The following FNDC3B variants were observed in gnomAD, a reference collection of about 807,000 sequenced individuals.
The protein encoded by FNDC3B is fibronectin type III domain containing 3B.
Under a neutral mutation model 151.5 loss-of-function variants are expected in FNDC3B, and 12 were observed. The observed-to-expected ratio is 0.08, with a 90% CI of 0.05 to 0.13. The LOEUF is 0.13. FNDC3B is among the 10% of genes least tolerant of loss of function. FNDC3B has a pLI of 1.00. For synonymous variants in FNDC3B, 528 were observed against 549.0 expected, an observed-to-expected ratio of 0.96 and a Z score of 0.54; for missense variants, 1,214 against 1,505.3, an observed-to-expected ratio of 0.81 and a Z score of 3.20.
At chr3:172,091,818 G>A (rs1279304312) in intron 1 of FNDC3B, among the ~76,000 whole-genome samples, 1 of 149,950 alleles carries the variant, frequency 6.7e-6, no homozygotes, top group Non-Finnish European at 1.5e-5. Flanking sequence ...AAAGAGAAAT[G>A]GTCAAAATTG....
intron 7 of FNDC3B, 135 bp downstream of exon 7, chr3:172,286,119 A>T: frequency 4.6e-6 from 3 of 650,646 alleles, no homozygotes; most frequent in Admixed American, 5.8e-5. Flanking sequence ...ACTATGAAAT[A>T]GTGTTCGGTT....
chr3:172,152,828 A>C (rs1204850528), intron 3 of FNDC3B, among the ~76,000 whole-genome samples: 1 of 152,112 alleles, frequency 6.6e-6, no homozygotes, highest in Non-Finnish European at 1.5e-5. Flanking sequence ...GTTGGTTTAC[A>C]TGAGGATTGA....
chr3:172,373,633 A>G (rs1218970185), intron 23 of FNDC3B, among the ~76,000 whole-genome samples: 5 of 152,228 alleles, frequency 3.3e-5, no homozygotes, highest in Non-Finnish European at 5.9e-5. Context: ...AAAAAGATAT[A>G]GGAGCAAGAA....
chr3:172,135,575 T>C (rs1456385702), intron 3 of FNDC3B, among the ~76,000 whole-genome samples: 2 of 152,204 alleles, frequency 1.3e-5, no homozygotes, highest in Non-Finnish European at 2.9e-5. Context: ...TCAGATACTA[T>C]GGTTATCTTC....
In FNDC3B at chr3:172,247,804, G is replaced by C. The variant is rs752277562; in HGVS notation, c.508+28G>C. On this transcript the variant is annotated intron_variant, in intron 5 of 25. Transcript: ENST00000415807. Reference sequence around the variant, plus strand: ...GAGTAGATTTTCGTTGGCGTCAGGAGCCGTTGAAACTGATTACAGCGTTTC... The same window carrying C: ...GAGTAGATTTTCGTTGGCGTCAGGACCCGTTGAAACTGATTACAGCGTTTC... 3 of 1,612,966 alleles carry C rather than the reference G, an allele frequency of 1.9e-6. No individual in the cohort carries two copies. In the Admixed American group the frequency reaches 5.0e-5, roughly 27 times the overall value.
chr3:172,061,260 T>G, intron 1 of FNDC3B, among the ~76,000 whole-genome samples: 2 of 148,162 alleles, frequency 1.3e-5, no homozygotes, highest in Admixed American at 6.8e-5. Context: ...TGAGATGGAG[T>G]CTCGCTCTGT....
chr3:172,180,767 C>T (rs1054310639), intron 3 of FNDC3B, among the ~76,000 whole-genome samples: 1 of 152,096 alleles, frequency 6.6e-6, no homozygotes, highest in African/African-American at 2.4e-5. Flanking sequence ...TAGGAAAGAG[C>T]CCATAGAATG....
In FNDC3B at chr3:172,341,017, T is replaced by C. The variant is rs868368374; in HGVS notation, c.1853-96T>C. On this transcript the variant is annotated intron_variant, in intron 16 of 25. Transcript: ENST00000415807. ...TTTAAAAAGAAAAAGAAGATGTTGG[T>C]TTTCATGAAAACATAGAGCTTTTTC... is the stretch of plus-strand genomic sequence containing the variant. The C allele has an allele frequency of 1.3e-5, 11 of 819,040 alleles. No individual in the cohort carries two copies. The Middle Eastern group carries it at 7.0e-4, about 52-fold the overall frequency. The allele number at this position is 819,040 out of a possible 1,614,324, so 50.7% of individuals were successfully genotyped here.
At chr3:172,391,458 A>G (rs542688919) in intron 25 of FNDC3B, among the ~76,000 whole-genome samples, 1 of 152,328 alleles carries the variant, frequency 6.6e-6, no homozygotes, top group African/African-American at 2.4e-5. Flanking sequence ...TCCTGATTCT[A>G]GTTTCTGTGC....
intron 3 of FNDC3B, among the ~76,000 whole-genome samples, chr3:172,212,730 A>T (rs1315574172): frequency 6.6e-6 from 1 of 152,242 alleles, no homozygotes; most frequent in Non-Finnish European, 1.5e-5. Flanking sequence ...TGAACAATTA[A>T]GTAACTTGCC....
intron 2 of FNDC3B, among the ~76,000 whole-genome samples, chr3:172,117,568 C>T (rs1223040926): frequency 2.0e-5 from 3 of 152,074 alleles, no homozygotes; most frequent in Non-Finnish European, 4.4e-5. Flanking sequence ...ACAGAAGTGT[C>T]GACATAGGGT....
chr3:172,355,520 G>A (rs1013337851), intron 22 of FNDC3B, among the ~76,000 whole-genome samples: 1 of 152,160 alleles, frequency 6.6e-6, no homozygotes, highest in Non-Finnish European at 1.5e-5. Flanking sequence ...AAATCTAGGG[G>A]GGGGGCCTAG....
intron 23 of FNDC3B, among the ~76,000 whole-genome samples, chr3:172,376,148 C>T (rs895818744): frequency 1.3e-5 from 2 of 152,090 alleles, no homozygotes; most frequent in Admixed American, 1.3e-4. Context: ...TTCTCCAGTA[C>T]AAGAGCAAAA....
At chr3:172,294,993 A>T (rs1412189339) in intron 7 of FNDC3B, among the ~76,000 whole-genome samples, 3 of 152,192 alleles carry the variant, frequency 2.0e-5, no homozygotes, top group African/African-American at 7.2e-5. Context: ...ATGATTTGAC[A>T]CCATGCAAGG....
chr3:172,205,626 A>C (rs1185997871), intron 3 of FNDC3B, among the ~76,000 whole-genome samples: 1 of 152,164 alleles, frequency 6.6e-6, no homozygotes, highest in East Asian at 1.9e-4. Context: ...GAGGGAAGAA[A>C]TCTGCATTCT....
intron 13 of FNDC3B, among the ~76,000 whole-genome samples, chr3:172,331,066 C>T (rs1283083843): frequency 2.0e-5 from 3 of 152,192 alleles, no homozygotes; most frequent in African/African-American, 4.8e-5. Flanking sequence ...ATTGCAATAA[C>T]ATAATATTGT....
chr3:172,259,296 A>T (rs930809764), intron 6 of FNDC3B, among the ~76,000 whole-genome samples: 10 of 152,220 alleles, frequency 6.6e-5, no homozygotes, highest in Admixed American at 1.3e-4. Flanking sequence ...TGCAAGAGAC[A>T]TGAGGCATTC....
At chr3:172,232,367 C>T (rs1447247913) in intron 4 of FNDC3B, among the ~76,000 whole-genome samples, 1 of 152,148 alleles carries the variant, frequency 6.6e-6, no homozygotes, top group African/African-American at 2.4e-5. Flanking sequence ...ATACAAATGT[C>T]AGTAATAAGC....
intron 6 of FNDC3B, among the ~76,000 whole-genome samples, chr3:172,278,191 CT>C (rs1729531385): frequency 6.6e-6 from 1 of 152,146 alleles, no homozygotes; most frequent in Non-Finnish European, 1.5e-5. Flanking sequence ...AAATTGTACT[CT>C]GGATTCTGCC....
Sources: gnomAD v4.1 joint callset for allele counts (sites outside exome capture counted in the v4.1 genomes callset) on GRCh38, gnomAD v4.1.1 for gene constraint, MANE v1.5 for transcripts, NCBI Gene and HGNC (gene_info 2026-07-23, HGNC 2026-07-21) for gene names.